The following CFAP74 variants were observed in gnomAD, a reference collection of about 807,000 sequenced individuals.
The protein encoded by CFAP74 is cilia- and flagella-associated protein 74.
In CFAP74, 124 loss-of-function variants were observed where a neutral mutation model predicts 188.9. The ratio of observed to expected loss-of-function variants is 0.66; its 90% confidence interval spans 0.57 to 0.76. The LOEUF (loss-of-function observed/expected upper bound fraction) is 0.76. Ranked by LOEUF, CFAP74 falls within the 30% of genes least tolerant of loss-of-function variation. The pLI is 0.00. For synonymous variants in CFAP74, 956 were observed against 916.7 expected (o/e 1.04, Z -0.77); for missense variants, 2,198 against 2,165.2 (o/e 1.02, Z -0.30).
intron 1 of CFAP74, among the ~76,000 whole-genome samples, chr1:2,001,334 G>A (rs1320150676): frequency 7.0e-6 from 1 of 143,604 alleles, no homozygotes; most frequent in East Asian, 2.0e-4. Flanking sequence ...TTTTCATTTT[G>A]TTTTTTTTTT....
rs1366953739 is a variant in CFAP74 at position 1,939,613 on chromosome 1, C to A, written c.2858G>T (p.Gly953Val). 1 of 1,535,818 alleles carries A rather than the reference C, an allele frequency of 6.5e-7. No homozygotes were observed. Among genetic ancestry groups the A allele is most frequent in the South Asian group, 1.2e-5 (1 of 84,052 alleles). Residue 953 changes from glycine to valine, a missense_variant, in exon 24 of 39, where the codon GGG becomes GTG. By Grantham distance (109) the Gly-to-Val change is moderately radical. Coordinates refer to ENST00000682832, the MANE Select transcript of CFAP74 (RefSeq NM_001304360.2). The stretch of plus-strand genomic sequence containing the variant: ...AGGTACCTTGGGAAGCCTGACGAAC[C>A]CGAACTCCTGGGGCAGGAGCGAGTG... Reference protein sequence around the residue: ...HNHSLLPQEFGFVRLPKFVDV... With the variant: ...HNHSLLPQEFVFVRLPKFVDV...
chr1:1,927,359 G>T (rs962581869), intron 28 of CFAP74: 1 of 568,226 alleles, frequency 1.8e-6, no homozygotes, highest in Non-Finnish European at 3.1e-6. Context: ...GGGGCTGGGT[G>T]GGGGGTGGTG....
chr1:1,964,829 G>A, intron 13 of CFAP74, 59 bp downstream of exon 13: 3 of 1,587,508 alleles, frequency 1.9e-6, no homozygotes, highest in Non-Finnish European at 2.6e-6. Context: ...GCTGCGGCAG[G>A]GCTCCCCTGC....
chr1:1,946,493 C>A, intron 19 of CFAP74, 54 bp from the exon 20 acceptor site: 1 of 1,473,220 alleles, frequency 6.8e-7, no homozygotes, highest in Non-Finnish European at 9.0e-7. Context: ...TTTTAAGATC[C>A]CTTCCCAACC....
rs1426688078 is a variant in CFAP74, at chr1:1,924,430, G to T, written c.4195C>A (p.Gln1399Lys). 7 of 1,544,256 alleles carry T rather than the reference G, an allele frequency of 4.5e-6. No homozygotes were observed. Among genetic ancestry groups the T allele is most frequent in the Non-Finnish European group, 6.1e-6 (7 of 1,154,622 alleles). The stretch of plus-strand genomic sequence containing the variant: ...CTCTGGGAGGGCGAGCTGAGGAACT[G>T]CGGCAGCTGCTGCTGGCCCCGGCCC... ...TRGRGQQQLPQFLSSPSQRTE... is the reference protein window; with the variant it reads ...TRGRGQQQLPKFLSSPSQRTE... Residue 1399 changes from glutamine to lysine, a missense_variant, in exon 34 of 39, where the codon CAG (glutamine) becomes AAG (lysine). Physicochemically the swap from Gln to Lys is moderately conservative, Grantham distance 53. Transcript: ENST00000682832.
chr1:1,973,905 G>T lies in CFAP74; in HGVS notation c.674+120C>A. 1.1e-6 allele frequency: 1 copy of T among 937,266 alleles called. No individual in the cohort carries two copies. Among genetic ancestry groups the T allele is most frequent in the Non-Finnish European group, 1.5e-6 (1 of 661,682 alleles). 58.1% of individuals were successfully genotyped at this position (937,266 alleles called of 1,614,324 possible). A position where few individuals can be genotyped will look rare whatever the true frequency, so the allele number is the denominator to read the frequency against. Reference sequence around the variant, plus strand: ...AAGCTGGGAGGAGGCAGGGAGGGGTGGAGGTGGATCTGGACAGATGTGGAG... The same window carrying T: ...AAGCTGGGAGGAGGCAGGGAGGGGTTGAGGTGGATCTGGACAGATGTGGAG... On this transcript the variant is annotated intron_variant, in intron 7 of 38. Coordinates refer to ENST00000682832, the MANE Select transcript of CFAP74 (RefSeq NM_001304360.2). This position sits in a 1 kb window ranked among gnomAD's most constrained non-coding sequence, Gnocchi z 6.2.
At chr1:1,946,474 C>T in intron 19 of CFAP74, 35 bp from the exon 20 acceptor site, 1 of 1,501,446 alleles carries the variant, frequency 6.7e-7, no homozygotes, top group Non-Finnish European at 8.9e-7. Flanking sequence ...GTCTGCCAGG[C>T]TTCATGGCTT....
At chr1:1,956,531 C>T in intron 17 of CFAP74, 89 bp downstream of exon 17, 3 of 1,509,106 alleles carry the variant, frequency 2.0e-6, no homozygotes, top group South Asian at 1.2e-5. Context: ...ACTGTTGATA[C>T]CCTCATGTTG....
At position 1,928,803 on chromosome 1, in the gene CFAP74, T is replaced by G; in HGVS notation, c.3368A>C (p.Lys1123Thr). 1 of 1,535,624 alleles carries G rather than the reference T, an allele frequency of 6.5e-7. No homozygotes were observed. The part of the protein sequence containing the change: ...IRQEALPLLN[K>T]EMETKSFRKN... The stretch of plus-strand genomic sequence containing the variant: ...ACGCACAGATTTGGTCTCCATTTCT[T>G]TGTTCAGGAGTGGGAGGGCTTCCTG... Residue 1123 changes from lysine (K) to threonine (T), a missense_variant, in exon 27 of 39, where the codon AAA becomes ACA. Transcript: ENST00000682832.
At position 1,974,085 on chromosome 1, in the gene CFAP74, T is replaced by C. The variant is rs1447315188; in HGVS notation, c.614A>G (p.Gln205Arg). 1.2e-6 allele frequency: 2 copies of C among 1,611,982 alleles called. No individual in the cohort carries two copies. Among genetic ancestry groups the C allele is most frequent in the Non-Finnish European group, 1.7e-6 (2 of 1,178,930 alleles). The change falls in exon 7 of 39, where the codon CAG becomes CGG. Residue 205 changes from glutamine to arginine, a missense_variant. Coordinates refer to ENST00000682832, the MANE Select transcript of CFAP74 (RefSeq NM_001304360.2). ...GRRLQVRAAE[Q>R]LCREQEALGK... ...CAGGGCCTCCTGCTCTCTGCAGAGC[T>C]GCTCGGCTGCGCGCACCTGGAGCCG... is the stretch of plus-strand genomic sequence containing the variant.
At position 1,924,450 on chromosome 1, in the gene CFAP74, C is replaced by T. The variant is rs767937325; in HGVS notation, c.4175G>A (p.Arg1392Gln). The change falls in exon 34 of 39, where the codon CGG becomes CAG. Residue 1392 changes from arginine to glutamine, a missense_variant. By Grantham distance (43) the Arg-to-Gln change is conservative. Transcript: ENST00000682832. The part of the protein sequence containing the change: ...HLDSLSSTRG[R>Q]GQQQLPQFLS... ...GAACTGCGGCAGCTGCTGCTGGCCC[C>T]GGCCCCGGGTGCTGGAGAGGCTGTC... 2.3e-5 allele frequency: 36 copies of T among 1,581,398 alleles called. No individual in the cohort carries two copies. The highest frequency in any genetic ancestry group is 2.4e-5 in the Non-Finnish European group (28 of 1,167,078).
intron 32 of CFAP74, 129 bp downstream of exon 32, chr1:1,926,099 C>A: frequency 7.1e-7 from 1 of 1,417,666 alleles, no homozygotes; most frequent in Non-Finnish European, 9.3e-7. Flanking sequence ...GCCTGGGGGC[C>A]AGGCTGCTCG....
Position 1,927,783 on chromosome 1 carries a change from G to T in CFAP74, c.3388-37C>A, listed in dbSNP as rs1267388919. On this transcript the variant is annotated intron_variant, in intron 27 of 38. Coordinates refer to ENST00000682832, the MANE Select transcript of CFAP74 (RefSeq NM_001304360.2). ...GCGACTGGCTGTGGGGCTGTGCAGG[G>T]CCCTAAACACAGCCAGCTGTGCCCC... The T allele has an allele frequency of 3.3e-6, 5 of 1,535,780 alleles. 1 individual carries two copies. The highest frequency in any genetic ancestry group is 1.7e-4 in the Middle Eastern group (1 of 5,918).
At position 1,960,194 on chromosome 1, in the gene CFAP74, A is replaced by C. The variant is rs991149737; in HGVS notation, c.1695-164T>G. On this transcript the variant is annotated intron_variant, in intron 14 of 38. Coordinates refer to ENST00000682832, the MANE Select transcript of CFAP74 (RefSeq NM_001304360.2). ...CCCCGGGGAGTGCTGGATCTGCTGC[A>C]TTCCCTGCTGCCGCCAGTACCTGGC... 1.9e-4 allele frequency: 120 copies of C among 627,754 alleles called. No homozygotes were observed. In the African/African-American group the frequency reaches 2.2e-3, roughly 12 times the overall value. The allele number at this position is 627,754 out of a possible 1,614,324, so 38.9% of individuals were successfully genotyped here.
chr1:1,999,317 T>A (rs1212380144), intron 1 of CFAP74, among the ~76,000 whole-genome samples: 1 of 152,066 alleles, frequency 6.6e-6, no homozygotes, highest in Non-Finnish European at 1.5e-5. Flanking sequence ...GGAATGGACA[T>A]CTTTGTCGGC....
chr1:1,942,749 G>C lies in CFAP74; in HGVS notation c.2487-593C>G, dbSNP rs945921962. ...CCTCAGGACCACCTGGAGCCTCCCT[G>C]TTCCCACAGTGAAGCCTCCCTCCCC... On this transcript the variant is annotated intron_variant, in intron 21 of 38. Transcript: ENST00000682832. This position sits in a 1 kb window ranked among gnomAD's most constrained non-coding sequence, Gnocchi z 4.3. Among the ~76,000 whole-genome samples the C allele has an allele frequency of 9.2e-5, 14 of 152,264 alleles. No individual in the cohort carries two copies. Among genetic ancestry groups the C allele is most frequent in the African/African-American group, 3.4e-4 (14 of 41,552 alleles).
At chr1:1,932,783 G>T (rs1384351948) in intron 25 of CFAP74, among the ~76,000 whole-genome samples, 1 of 151,472 alleles carries the variant, frequency 6.6e-6, no homozygotes, top group Non-Finnish European at 1.5e-5. Flanking sequence ...TAGTAGCGAT[G>T]GTGTTTCACT....
chr1:1,959,075 C>G (rs1432485528), intron 16 of CFAP74, 45 bp downstream of exon 16: 17 of 1,409,092 alleles, frequency 1.2e-5, no homozygotes, highest in Non-Finnish European at 1.7e-5. Flanking sequence ...GGGTTCCCAG[C>G]CAGCATGCCC....
At chr1:1,948,559 C>T (rs1395390090) in intron 18 of CFAP74, among the ~76,000 whole-genome samples, 2 of 150,072 alleles carry the variant, frequency 1.3e-5, no homozygotes, top group Non-Finnish European at 3.0e-5. Flanking sequence ...CATGGCCTGG[C>T]CTCCTTATTC....
Sources: gnomAD v4.1 joint callset for allele counts (sites outside exome capture counted in the v4.1 genomes callset) on GRCh38, gnomAD v4.1.1 for gene constraint, Gnocchi (gnomAD v3.1) non-coding constraint, MANE v1.5 for transcripts, NCBI Gene and HGNC (gene_info 2026-07-23, HGNC 2026-07-21) for gene names.